GLRX3: variants seen among roughly 807,000 people sequenced by gnomAD.
GLRX3 encodes glutaredoxin 3.
A neutral mutation model predicts 49.5 loss-of-function variants in GLRX3; 22 were observed. The observed-to-expected ratio is 0.44, with a 90% CI of 0.32 to 0.63. GLRX3 has a LOEUF of 0.63. Ranked by LOEUF, GLRX3 falls within the 30% of genes least tolerant of loss-of-function variation. The pLI is 0.05. For synonymous variants in GLRX3, 133 were observed against 140.0 expected (o/e 0.95, Z 0.35); for missense variants, 385 against 396.3 (o/e 0.97, Z 0.24).
rs766719697 is a variant in GLRX3, at chr10:130,145,279, C to A, written c.161C>A (p.Ala54Glu). Residue 54 changes from alanine to glutamate, a missense_variant, in exon 2 of 11, where the codon GCA becomes GAA. This residue lies in a region of GLRX3 where 374 missense variants were observed against 358.6 expected (regional missense o/e 1.04). Transcript: ENST00000331244. ...PQCAQMNEVM[A>E]ELAKELPQVS... ...TGTGCACAGATGAACGAAGTTATGG[C>A]AGAGTTAGCTAAAGAACTCCCTCAA... The A allele has an allele frequency of 1.3e-6, 2 of 1,562,770 alleles. No individual in the cohort carries two copies. The highest frequency in any genetic ancestry group is 2.2e-5 in the South Asian group (2 of 89,860).
intron 1 of GLRX3, among the ~76,000 whole-genome samples, chr10:130,139,795 A>G (rs1269255374): frequency 6.6e-6 from 1 of 151,962 alleles, no homozygotes; most frequent in Non-Finnish European, 1.5e-5. Context: ...AGGCATGGTG[A>G]TGCATGCCTG....
At chr10:130,157,975 C>T (rs1862508463) in intron 2 of GLRX3, among the ~76,000 whole-genome samples, 1 of 152,122 alleles carries the variant, frequency 6.6e-6, no homozygotes, top group Admixed American at 6.6e-5. Flanking sequence ...ACTTCAGATG[C>T]CCTTGATGTT....
At chr10:130,156,563 A>G (rs1029848085) in intron 2 of GLRX3, among the ~76,000 whole-genome samples, 1 of 152,186 alleles carries the variant, frequency 6.6e-6, no homozygotes, top group Non-Finnish European at 1.5e-5. Flanking sequence ...TGTGAGGATT[A>G]AGTGAGTCTA....
chr10:130,169,701 C>G (rs924077390), intron 7 of GLRX3, among the ~76,000 whole-genome samples: 1 of 152,202 alleles, frequency 6.6e-6, no homozygotes, highest in Non-Finnish European at 1.5e-5. Flanking sequence ...GGGTGCATTT[C>G]TTTCTGCTGC....
At position 130,179,575 on chromosome 10, in the gene GLRX3, T is replaced by C; in HGVS notation, c.*183T>C. ...TGTTACATTTTTTTCCCACCAAAAA[T>C]AGAATGCAATAAACATCTTCAAATT... On this transcript the variant is annotated 3_prime_UTR_variant, in exon 11 of 11. Transcript: ENST00000331244. The C allele has an allele frequency of 1.8e-6, 1 of 557,754 alleles. No homozygotes were observed. The highest frequency in any genetic ancestry group is 3.2e-6 in the Non-Finnish European group (1 of 312,850). 34.6% of individuals were successfully genotyped at this position (557,754 alleles called of 1,614,324 possible).
At chr10:130,167,546 G>GA (rs1477126673) in intron 6 of GLRX3, among the ~76,000 whole-genome samples, 1 of 152,174 alleles carries the variant, frequency 6.6e-6, no homozygotes, top group Non-Finnish European at 1.5e-5. Flanking sequence ...TTCTCTTACA[G>GA]AAATGTTGGA....
At chr10:130,174,781 G>C in intron 8 of GLRX3, 86 bp from the exon 9 acceptor site, 1 of 861,386 alleles carries the variant, frequency 1.2e-6, no homozygotes, top group African/African-American at 1.7e-5. Context: ...CGGTTTTCTT[G>C]ATTATTTTAA....
intron 1 of GLRX3, among the ~76,000 whole-genome samples, chr10:130,138,743 T>G (rs555735461): frequency 1.6e-4 from 24 of 152,150 alleles, no homozygotes; most frequent in Non-Finnish European, 2.6e-4. Context: ...AAGTAAACGT[T>G]TTGAATTTAC....
intron 8 of GLRX3, among the ~76,000 whole-genome samples, chr10:130,174,408 T>G (rs1442007767): frequency 1.3e-5 from 2 of 152,136 alleles, no homozygotes; most frequent in Non-Finnish European, 2.9e-5. Flanking sequence ...CAGATGGGGG[T>G]GTGGGTCTGA....
At chr10:130,178,024 T>G (rs1170936831) in intron 10 of GLRX3, among the ~76,000 whole-genome samples, 2 of 152,190 alleles carry the variant, frequency 1.3e-5, no homozygotes, top group Admixed American at 1.3e-4. Flanking sequence ...GCAGTTCCAG[T>G]CAACCTGGTG....
chr10:130,160,947 C>T lies in GLRX3; in HGVS notation c.428C>T (p.Ala143Val). Reference sequence around the variant, plus strand: ...CTTCGCTTGAAGAAATTGACTCATGCTGCCCCCTGCATGCTGTTTATGAAA... The same window carrying T: ...CTTCGCTTGAAGAAATTGACTCATGTTGCCCCCTGCATGCTGTTTATGAAA... ...LNLRLKKLTHAAPCMLFMKGT... is the reference protein window; with the variant it reads ...LNLRLKKLTHVAPCMLFMKGT... Residue 143 changes from alanine (A) to valine (V), a missense_variant, in exon 4 of 11, where the codon GCT (alanine) becomes GTT (valine). Ala to Val is a moderately conservative substitution (Grantham distance 64). Around this residue, in one of 2 missense-constraint regions of GLRX3, gnomAD observed 374 missense variants for 358.6 expected, o/e 1.04. Coordinates refer to ENST00000331244, the MANE Select transcript of GLRX3 (RefSeq NM_006541.5). 1.9e-6 allele frequency: 3 copies of T among 1,613,816 alleles called. No homozygotes were observed. The highest frequency in any genetic ancestry group is 2.5e-6 in the Non-Finnish European group (3 of 1,179,836).
At chr10:130,140,673 T>A (rs1396671809) in intron 1 of GLRX3, among the ~76,000 whole-genome samples, 1 of 152,210 alleles carries the variant, frequency 6.6e-6, no homozygotes, top group Non-Finnish European at 1.5e-5. Context: ...CATACTTTCT[T>A]CTTTTCTTTT....
rs746999838 is a variant in GLRX3 at position 130,175,031 on chromosome 10, C to T, written c.899C>T (p.Pro300Leu). 10 of 1,609,654 alleles carry T rather than the reference C, an allele frequency of 6.2e-6. No individual in the cohort carries two copies. The highest frequency in any genetic ancestry group is 8.5e-6 in the Non-Finnish European group (10 of 1,176,116). Residue 300 changes from proline to leucine, a missense_variant, in exon 10 of 11, where the codon CCA becomes CTA. By Grantham distance (98) the Pro-to-Leu change is moderately conservative (BLOSUM62 -3). Coordinates refer to ENST00000331244, the MANE Select transcript of GLRX3 (RefSeq NM_006541.5). Reference sequence around the variant, plus strand: ...GGATTAAAAGCTTACTCAAATTGGCCAACATACCCTCAGCTGTATGTGAAA... The same window carrying T: ...GGATTAAAAGCTTACTCAAATTGGCTAACATACCCTCAGCTGTATGTGAAA... Reference protein sequence around the residue: ...RQGLKAYSNWPTYPQLYVKGE... With the variant: ...RQGLKAYSNWLTYPQLYVKGE...
Position 130,145,215 on chromosome 10 carries a change from C to G in GLRX3, c.97C>G (p.Leu33Val), listed in dbSNP as rs1862248399. Residue 33 changes from leucine to valine, a missense_variant, in exon 2 of 11, where the codon CTC becomes GTC. Leu to Val is a conservative substitution (Grantham distance 32, BLOSUM62 1). Around this residue, in one of 2 missense-constraint regions of GLRX3, gnomAD observed 374 missense variants for 358.6 expected, o/e 1.04. Coordinates refer to ENST00000331244, the MANE Select transcript of GLRX3 (RefSeq NM_006541.5). ...EELLRLKAKSLLVVHFWAPWA... is the reference protein window; with the variant it reads ...EELLRLKAKSVLVVHFWAPWA... ...ATGCATTTAATTGATTTACAGGTCC[C>G]TCCTTGTGGTCCATTTCTGGGCACC... 1.5e-6 allele frequency: 2 copies of G among 1,344,308 alleles called. No individual in the cohort carries two copies. Among genetic ancestry groups the G allele is most frequent in the African/African-American group, 2.9e-5 (2 of 69,896 alleles). The allele number at this position is 1,344,308 out of a possible 1,614,324, so 83.3% of individuals were successfully genotyped here.
chr10:130,161,135 A>G, intron 4 of GLRX3, 138 bp downstream of exon 4: 1 of 639,698 alleles, frequency 1.6e-6, no homozygotes, highest in South Asian at 1.9e-5. Flanking sequence ...TAGAAAATCA[A>G]AAAGGTTATA....
At chr10:130,138,477 G>A (rs2147759) in intron 1 of GLRX3, among the ~76,000 whole-genome samples, 32,822 of 152,166 alleles carry the variant, frequency 0.22, 3,873 homozygotes, top group South Asian at 0.3. Context: ...AAATGGGGAG[G>A]GGTGCGAGTT....
At chr10:130,144,569 T>G (rs1484764351) in intron 1 of GLRX3, among the ~76,000 whole-genome samples, 1 of 152,162 alleles carries the variant, frequency 6.6e-6, no homozygotes, top group African/African-American at 2.4e-5. Flanking sequence ...TTTGTTTTTC[T>G]GTTCCTGTGT....
chr10:130,153,086 G>T (rs1038984923), intron 2 of GLRX3, among the ~76,000 whole-genome samples: 34 of 151,962 alleles, frequency 2.2e-4, no homozygotes, highest in Admixed American at 8.5e-4. Context: ...TTTTCCGCTT[G>T]ATCGAATCGG....
intron 4 of GLRX3, 91 bp downstream of exon 4, chr10:130,161,088 C>A: frequency 1.2e-6 from 1 of 811,448 alleles, no homozygotes; most frequent in Non-Finnish European, 2.1e-6. Context: ...TCCAAGGATG[C>A]TATACCATAC....
Sources: allele counts gnomAD v4.1 joint callset (sites outside exome capture counted in the v4.1 genomes callset), GRCh38; gene constraint gnomAD v4.1.1; regional missense constraint gnomAD v4.1.1; transcripts MANE v1.5; gene names NCBI Gene and HGNC (gene_info 2026-07-23, HGNC 2026-07-21).